Variants in TCF3 observed in about 807,000 individuals in gnomAD.
The protein encoded by TCF3 is transcription factor 3, also known as transcription factor E2-alpha.
Under a neutral mutation model 72.3 loss-of-function variants are expected in TCF3, and 54 were observed. That is an observed-to-expected ratio of 0.75 (90% CI 0.60 to 0.94). The LOEUF (loss-of-function observed/expected upper bound fraction) is 0.94, where lower values mean the gene tolerates loss of function less well. TCF3 is among the 40% of genes least tolerant of loss of function. The pLI, the probability that TCF3 is intolerant of heterozygous loss-of-function variation, is 0.00. For missense variants in TCF3, 1,078 were observed against 934.4 expected, an observed-to-expected ratio of 1.15 and a Z score of -2.00; for synonymous variants, 525 against 412.6, an observed-to-expected ratio of 1.27 and a Z score of -3.30.
chr19:1,638,580 G>A (rs2064795677), intron 3 of TCF3, among the ~76,000 whole-genome samples: 1 of 152,196 alleles, frequency 6.6e-6, no homozygotes, highest in Admixed American at 6.5e-5. Flanking sequence ...GCAAATACCA[G>A]CAGGGAAGAG....
At chr19:1,650,605 A>G (rs2066869655) in intron 1 of TCF3, 2 of 282,870 alleles carry the variant, frequency 7.1e-6, no homozygotes, top group African/African-American at 4.3e-5. Context: ...TTTAAACTGC[A>G]CGCAGGGCAG....
At chr19:1,639,257 T>C (rs1325807780) in intron 3 of TCF3, among the ~76,000 whole-genome samples, 1 of 152,248 alleles carries the variant, frequency 6.6e-6, no homozygotes, top group Non-Finnish European at 1.5e-5. Context: ...TGGGCCAGGC[T>C]GGTCTTGAAC....
intron 8 of TCF3, among the ~76,000 whole-genome samples, chr19:1,622,966 G>C (rs898091371): frequency 1.5e-4 from 23 of 152,316 alleles, no homozygotes; most frequent in African/African-American, 4.1e-4. Flanking sequence ...CGGGAAGTAT[G>C]CTGGGTGGGC....
At chr19:1,617,954 A>G (rs917359) in intron 16 of TCF3, among the ~76,000 whole-genome samples, 2,308 of 152,170 alleles carry the variant, frequency 0.015, 61 homozygotes, top group African/African-American at 0.052. Flanking sequence ...CTGGCCTAGG[A>G]GTGATAGAAT....
chr19:1,614,895 T>A lies in TCF3; in HGVS notation c.1822+390A>T, dbSNP rs928331871. The stretch of plus-strand genomic sequence containing the variant: ...GGGCCAGGGTGGTTTGCACACCAGC[T>A]CCTGTCTCTGGGATCGGGGGACACT... On this transcript the variant is annotated intron_variant, in intron 18 of 18. Transcript: ENST00000262965. This position sits in a 1 kb window ranked among gnomAD's most constrained non-coding sequence, Gnocchi z 5.6. Among the ~76,000 whole-genome samples the A allele has an allele frequency of 1.2e-4, 18 of 152,190 alleles. No individual in the cohort carries two copies. The highest frequency in any genetic ancestry group is 3.4e-4 in the African/African-American group (14 of 41,522).
chr19:1,629,514 G>C (rs1568420849), intron 5 of TCF3, among the ~76,000 whole-genome samples: 1 of 151,904 alleles, frequency 6.6e-6, no homozygotes, highest in Non-Finnish European at 1.5e-5. Flanking sequence ...CTGGGCTACG[G>C]AGGGGAACAG....
intron 18 of TCF3, chr19:1,612,376 G>A: frequency 3.1e-6 from 5 of 1,613,946 alleles, no homozygotes; most frequent in South Asian, 1.1e-5. Context: ...TATTGGCCAT[G>A]CGCCTCTCCC....
intron 18 of TCF3, among the ~76,000 whole-genome samples, chr19:1,612,671 G>A (rs761212351): frequency 6.7e-5 from 10 of 150,200 alleles, no homozygotes; most frequent in Non-Finnish European, 1.2e-4. Flanking sequence ...AGCAGTGCAG[G>A]TACACGGCTG....
In TCF3 at chr19:1,646,428, C is replaced by G; in HGVS notation, c.73-1G>C. 1 of 1,550,062 alleles carries G rather than the reference C, an allele frequency of 6.5e-7. No homozygotes were observed. The highest frequency in any genetic ancestry group is 8.7e-7 in the Non-Finnish European group (1 of 1,146,656). On this transcript the variant is annotated splice_acceptor_variant, in intron 2 of 18. Transcript: ENST00000262965. LOFTEE classifies it high-confidence loss of function. ...CGTTGGTGACAGGCAGCGGGAACAT[C>G]TGCAGGGAGGGGAGGGGAGACGTGA...
intron 1 of TCF3, among the ~76,000 whole-genome samples, chr19:1,651,663 CG>C (rs1343712111): frequency 3.3e-5 from 5 of 151,946 alleles, no homozygotes; most frequent in Admixed American, 1.3e-4. Context: ...GCCTTTTTCC[CG>C]GGGGGAGGCG....
chr19:1,615,700 G>A lies in TCF3; in HGVS notation c.1572C>T (p.Pro524=). 1 of 1,613,424 alleles carries A rather than the reference G, an allele frequency of 6.2e-7. No homozygotes were observed. The highest frequency in any genetic ancestry group is 8.5e-7 in the Non-Finnish European group (1 of 1,179,644). ...TGGGTTGGCACCTGGTCCGGGCCCG[G>A]GGGGCCTTCAGCTCCTTCTTCTCCT... ...SEEEKKELKA[P]RARTSPDEDE... The change falls in exon 17 of 19, where the codon CCC becomes CCT. Residue 524 remains proline, a synonymous_variant. Transcript: ENST00000262965. This position sits in a 1 kb window ranked among gnomAD's most constrained non-coding sequence, Gnocchi z 7.3.
At chr19:1,649,351 G>C (rs535779201) in intron 2 of TCF3, among the ~76,000 whole-genome samples, 1 of 152,226 alleles carries the variant, frequency 6.6e-6, no homozygotes, top group Admixed American at 6.5e-5. Flanking sequence ...GGGGAGTCCC[G>C]TATGGGGCAG....
intron 7 of TCF3, among the ~76,000 whole-genome samples, chr19:1,624,493 C>A (rs559365032): frequency 6.6e-6 from 1 of 152,220 alleles, no homozygotes; most frequent in Non-Finnish European, 1.5e-5. Flanking sequence ...TCTCCCGCGA[C>A]GCGCAGTTTG....
At chr19:1,648,853 T>A (rs1289933018) in intron 2 of TCF3, among the ~76,000 whole-genome samples, 1 of 148,044 alleles carries the variant, frequency 6.8e-6, no homozygotes, top group East Asian at 2.0e-4. Context: ...AGGACATCTG[T>A]AGACAGGCCA....
rs897678054 is a variant in TCF3 at position 1,630,491 on chromosome 19, G to C, written c.298+1547C>G. Among the ~76,000 whole-genome samples the C allele has an allele frequency of 2.6e-5, 4 of 152,192 alleles. No homozygotes were observed. The East Asian group carries it at 7.7e-4, about 29-fold the overall frequency. On this transcript the variant is annotated intron_variant, in intron 5 of 18. Transcript: ENST00000262965. ...CCCTCAGGGTCCAGGGAAAAGGCTGGGTCGGCCAAAGTCCTCCGGGCCTCA... is the reference window on the plus strand; with the variant it reads ...CCCTCAGGGTCCAGGGAAAAGGCTGCGTCGGCCAAAGTCCTCCGGGCCTCA...
chr19:1,634,214 T>TC (rs536565511), intron 3 of TCF3, among the ~76,000 whole-genome samples: 1 of 151,956 alleles, frequency 6.6e-6, no homozygotes, highest in East Asian at 1.9e-4. Flanking sequence ...GTTATTAAAA[T>TC]CCCCCCCACC....
At chr19:1,648,273 G>T (rs906928857) in intron 2 of TCF3, among the ~76,000 whole-genome samples, 3 of 152,244 alleles carry the variant, frequency 2.0e-5, no homozygotes, top group African/African-American at 7.2e-5. Flanking sequence ...AACAGAGTGG[G>T]GATGCGGGCA....
intron 3 of TCF3, among the ~76,000 whole-genome samples, chr19:1,643,088 T>C (rs966361912): frequency 1.1e-4 from 17 of 152,232 alleles, no homozygotes; most frequent in Non-Finnish European, 2.2e-4. Flanking sequence ...CAGAGACCTG[T>C]GCCTGAGGGT....
rs147829992 is a variant in TCF3, at chr19:1,646,162, C to T, written c.145+193G>A. Among the ~76,000 whole-genome samples, 875 of 152,280 alleles carry T rather than the reference C, an allele frequency of 5.7e-3. 5 individuals carry two copies. Among genetic ancestry groups the T allele is most frequent in the Non-Finnish European group, 0.01 (692 of 68,024 alleles). ...ACGAGGGGCTCAGGGGCTCGGGCTC[C>T]CAAGGCAGGTCACACGGGCAACGGC... On this transcript the variant is annotated intron_variant, in intron 3 of 18. Transcript: ENST00000262965.
Sources: allele counts gnomAD v4.1 joint callset (sites outside exome capture counted in the v4.1 genomes callset), GRCh38; gene constraint gnomAD v4.1.1; non-coding constraint Gnocchi (gnomAD v3.1); transcripts MANE v1.5; gene names NCBI Gene and HGNC (gene_info 2026-07-23, HGNC 2026-07-21).